Variants in CROT observed in about 807,000 individuals in gnomAD.
CROT encodes carnitine O-octanoyltransferase, also known as peroxisomal carnitine O-octanoyltransferase.
Under a neutral mutation model 89.2 loss-of-function variants are expected in CROT, and 84 were observed. The observed-to-expected ratio is 0.94, with a 90% CI of 0.79 to 1.13. The LOEUF (loss-of-function observed/expected upper bound fraction) is 1.13, where lower values mean the gene tolerates loss of function less well. Among genes scored for constraint, CROT ranks in the 50% most tolerant of loss-of-function variants. The pLI is 0.00. For missense variants in CROT, 711 were observed against 727.8 expected, an observed-to-expected ratio of 0.98 and a Z score of 0.27; for synonymous variants, 212 against 239.5, an observed-to-expected ratio of 0.89 and a Z score of 1.06.
intron 14 of CROT, among the ~76,000 whole-genome samples, 185 bp downstream of exon 14, chr7:87,391,897 A>G (rs1486389183): frequency 6.6e-6 from 1 of 152,184 alleles, no homozygotes; most frequent in Non-Finnish European, 1.5e-5. Flanking sequence ...GGAAACAGGG[A>G]AGGCAGGAAA....
chr7:87,374,739 T>C (rs996023886), intron 7 of CROT, among the ~76,000 whole-genome samples: 13 of 152,156 alleles, frequency 8.5e-5, no homozygotes, highest in Non-Finnish European at 1.6e-4. Flanking sequence ...GTTACAGATA[T>C]AATGAACAAA....
rs771277319 is a variant in CROT, at chr7:87,382,118, T to C, written c.1107T>C (p.Ile369=). The stretch of plus-strand genomic sequence containing the variant: ...ATATACCACTTCCAGAAGAGCTCAT[T>C]TTCATTGTGGATGAGAAAGTTTTAA... ...VRDIPLPEEL[I]FIVDEKVLND... is the part of the protein sequence containing the mutation. Residue 369 remains isoleucine, a synonymous_variant, in exon 12 of 18, where the codon ATT becomes ATC. Coordinates refer to ENST00000331536, the MANE Select transcript of CROT (RefSeq NM_021151.4). 4.2e-5 allele frequency: 68 copies of C among 1,613,570 alleles called. No homozygotes were observed. Among genetic ancestry groups the C allele is most frequent in the Non-Finnish European group, 5.5e-5 (65 of 1,179,738 alleles).
intron 6 of CROT, among the ~76,000 whole-genome samples, chr7:87,367,517 T>G (rs1165250239): frequency 1.3e-5 from 2 of 152,218 alleles, no homozygotes; most frequent in African/African-American, 4.8e-5. Flanking sequence ...GTAATTTGTT[T>G]TTGCAACCAG....
Position 87,393,006 on chromosome 7 carries a change from G to A in CROT, c.1657G>A (p.Gly553Arg). The stretch of plus-strand genomic sequence containing the variant: ...TCTGGTTGGCTATTTACGAGTCCAG[G>A]GAGTGGTAGTTCCCATGGTACACAA... ...TSLVGYLRVQ[G>R]VVVPMVHNGY... The change falls in exon 17 of 18, where the codon GGA becomes AGA. Residue 553 changes from glycine to arginine, a missense_variant. Transcript: ENST00000331536. The A allele has an allele frequency of 1.2e-6, 2 of 1,613,618 alleles. No individual in the cohort carries two copies. The highest frequency in any genetic ancestry group is 2.2e-5 in the South Asian group (2 of 91,062).
intron 4 of CROT, among the ~76,000 whole-genome samples, chr7:87,360,760 T>G (rs1562929510): frequency 6.6e-6 from 1 of 152,166 alleles, no homozygotes; most frequent in Non-Finnish European, 1.5e-5. Flanking sequence ...CCCCAAGTAC[T>G]CTGAAGAAAC....
At chr7:87,356,446 A>C (rs543138965) in intron 3 of CROT, among the ~76,000 whole-genome samples, 84 of 152,330 alleles carry the variant, frequency 5.5e-4, no homozygotes, top group African/African-American at 2.0e-3. Flanking sequence ...GTACAAGAAA[A>C]ACAAAATCTC....
chr7:87,378,543 G>T (rs1216037163), intron 10 of CROT, among the ~76,000 whole-genome samples: 1 of 152,082 alleles, frequency 6.6e-6, no homozygotes, highest in Non-Finnish European at 1.5e-5. Flanking sequence ...GCTTTCTTTT[G>T]TTTGGCCTCA....
At chr7:87,366,086 A>T (rs1027829889) in intron 6 of CROT, among the ~76,000 whole-genome samples, 2 of 152,100 alleles carry the variant, frequency 1.3e-5, no homozygotes, top group Admixed American at 1.3e-4. Flanking sequence ...CATTGCTCTG[A>T]TCTACCCTCA....
At chr7:87,395,572 T>C (rs1807498714) in intron 17 of CROT, among the ~76,000 whole-genome samples, 1 of 152,256 alleles carries the variant, frequency 6.6e-6, no homozygotes, top group Non-Finnish European at 1.5e-5. Context: ...TCTGTAAAGC[T>C]GTTAACTTTG....
intron 6 of CROT, among the ~76,000 whole-genome samples, chr7:87,363,455 T>C (rs1218548290): frequency 6.6e-6 from 1 of 152,224 alleles, no homozygotes; most frequent in East Asian, 1.9e-4. Flanking sequence ...TTCTTTTGTT[T>C]AGTTCACTTT....
chr7:87,377,829 G>C (rs187523139), intron 10 of CROT, among the ~76,000 whole-genome samples: 16 of 152,230 alleles, frequency 1.1e-4, no homozygotes, highest in Admixed American at 9.2e-4. Context: ...GATTCACCTA[G>C]TAACTAGGTA....
chr7:87,398,585 C>T lies in CROT; in HGVS notation c.1780C>T (p.Gln594Ter). 6.2e-7 allele frequency: 1 copy of T among 1,613,680 alleles called. No individual in the cohort carries two copies. Among genetic ancestry groups the T allele is most frequent in the Non-Finnish European group, 8.5e-7 (1 of 1,179,794 alleles). ...CGAGACTGATGCGGAAAAGCTAGTT[C>T]AGCTGACTTTTTGTGCTTTTCATGA... Reference protein sequence around the residue: ...CPETDAEKLVQLTFCAFHDMI... With the variant: ...CPETDAEKLV The change falls in exon 18 of 18, where the codon CAG becomes TAG. Residue 594 changes from glutamine to a stop codon, truncating the protein, a stop_gained. Transcript: ENST00000331536. LOFTEE classifies it high-confidence loss of function.
intron 7 of CROT, 121 bp downstream of exon 7, chr7:87,369,605 C>CT (rs995044464): frequency 4.1e-5 from 15 of 369,970 alleles, no homozygotes; most frequent in East Asian, 8.2e-5. Flanking sequence ...TTTATGCATG[C>CT]TTTTTTAAAA....
chr7:87,347,715 A>C (rs1207256350), intron 2 of CROT, among the ~76,000 whole-genome samples: 1 of 151,982 alleles, frequency 6.6e-6, no homozygotes, highest in East Asian at 1.9e-4. Flanking sequence ...TTTTCCATAC[A>C]TCTAGAGGTA....
chr7:87,370,288 T>C (rs1009931889), intron 7 of CROT, among the ~76,000 whole-genome samples: 1 of 152,136 alleles, frequency 6.6e-6, no homozygotes, highest in Non-Finnish European at 1.5e-5. Flanking sequence ...GTTCAAGTGA[T>C]TCTTCTGCCT....
At position 87,375,648 on chromosome 7, in the gene CROT, C is replaced by T. The variant is rs199966683; in HGVS notation, c.673C>T (p.His225Tyr). The stretch of plus-strand genomic sequence containing the variant: ...TTCCATAAGACAACTGACATATATC[C>T]ACAAGAAGTGCCATAGTGAACCTGA... Reference protein sequence around the residue: ...PELLRQLTYIHKKCHSEPDGP... With the variant: ...PELLRQLTYIYKKCHSEPDGP... Residue 225 changes from histidine (H) to tyrosine (Y), a missense_variant, in exon 8 of 18, where the codon CAC becomes TAC. Coordinates refer to ENST00000331536, the MANE Select transcript of CROT (RefSeq NM_021151.4). 6.9e-5 allele frequency: 112 copies of T among 1,612,812 alleles called. 1 individual carries two copies. The Admixed American group carries it at 1.8e-3, about 26-fold the overall frequency.
chr7:87,375,144 C>A, intron 7 of CROT: 1 of 153,596 alleles, frequency 6.5e-6, no homozygotes, highest in Admixed American at 6.4e-5. Flanking sequence ...ATAGTTAAAA[C>A]TGATTATATG....
chr7:87,383,774 G>A (rs1440470453), intron 13 of CROT, among the ~76,000 whole-genome samples: 1 of 152,098 alleles, frequency 6.6e-6, no homozygotes, highest in Non-Finnish European at 1.5e-5. Flanking sequence ...TGGGATTAGA[G>A]GTGTGAGCCA....
In CROT at chr7:87,392,943, C is replaced by T. The variant is rs116218957; in HGVS notation, c.1599-5C>T. The T allele has an allele frequency of 1.3e-3, 2,131 of 1,613,482 alleles. 23 individuals are homozygous for T. The African/African-American group carries it at 0.021, about 16-fold the overall frequency. On this transcript the variant is annotated splice_region_variant and splice_polypyrimidine_tract_variant and intron_variant, in intron 16 of 17. Transcript: ENST00000331536. ...AGTAAAATGTTCTTTTATTGTGCCA[C>T]ACAGCGGAGGAGGTGGAAATTTTGT...
Sources: gnomAD v4.1 joint callset for allele counts (sites outside exome capture counted in the v4.1 genomes callset) on GRCh38, gnomAD v4.1.1 for gene constraint, MANE v1.5 for transcripts, NCBI Gene and HGNC (gene_info 2026-07-23, HGNC 2026-07-21) for gene names.